The following TBK1 variants were observed in gnomAD, a reference collection of about 807,000 sequenced individuals.
TBK1 encodes the protein TANK binding kinase 1, also known as serine/threonine-protein kinase TBK1.
A neutral mutation model predicts 99.9 loss-of-function variants in TBK1; 37 were observed. That is an observed-to-expected ratio of 0.37 (90% CI 0.28 to 0.49). The LOEUF is 0.49. TBK1 is among the 20% of genes least tolerant of loss of function. TBK1 has a pLI of 0.98. For synonymous variants in TBK1, 258 were observed against 279.8 expected, an observed-to-expected ratio of 0.92 and a Z score of 0.78; for missense variants, 644 against 872.5, an observed-to-expected ratio of 0.74 and a Z score of 3.30.
At chr12:64,498,233 G>C (rs1003069578) in intron 20 of TBK1, among the ~76,000 whole-genome samples, 194 bp downstream of exon 20, 4 of 152,128 alleles carry the variant, frequency 2.6e-5, no homozygotes, top group African/African-American at 7.2e-5. Flanking sequence ...TAGAAGCACT[G>C]GTTAATCGAA....
chr12:64,471,043 C>G (rs936384372), intron 5 of TBK1, among the ~76,000 whole-genome samples: 2 of 152,192 alleles, frequency 1.3e-5, no homozygotes, highest in Non-Finnish European at 1.5e-5. Context: ...AGCAGCCTAG[C>G]TATATTCTAC....
At chr12:64,453,122 A>G (rs1458216182) in intron 1 of TBK1, among the ~76,000 whole-genome samples, 1 of 152,246 alleles carries the variant, frequency 6.6e-6, no homozygotes, top group African/African-American at 2.4e-5. Context: ...GAAGATTTAT[A>G]TGGCAAGCAC....
chr12:64,470,502 C>T (rs2040651809), intron 5 of TBK1, among the ~76,000 whole-genome samples: 1 of 151,944 alleles, frequency 6.6e-6, no homozygotes, highest in African/African-American at 2.4e-5. Flanking sequence ...CATGATTTTC[C>T]AAAGTAGTGA....
In TBK1 at chr12:64,475,016, G is replaced by A. The variant is rs1030247880; in HGVS notation, c.701+626G>A. The stretch of plus-strand genomic sequence containing the variant: ...TCCCATAGTCCCAGCTACTCAGGAG[G>A]CTGAGGTGGTAGGATCACCTGATCC... On this transcript the variant is annotated intron_variant, in intron 6 of 20. Transcript: ENST00000331710. 1.5e-4 allele frequency among the ~76,000 whole-genome samples: 23 copies of A among 152,122 alleles called. 1 individual carries two copies. The highest frequency in any genetic ancestry group is 1.2e-3 in the Admixed American group (19 of 15,274).
rs537240267 is a variant in TBK1 at position 64,459,223 on chromosome 12, A to G, written c.88-966A>G. On this transcript the variant is annotated intron_variant, in intron 2 of 20. Transcript: ENST00000331710. ...TTCCTGCTTGCTCTAGGGAAGTTCA[A>G]CCTTGGATAAATGGGGGAAAATGTA... 7.9e-5 allele frequency among the ~76,000 whole-genome samples: 12 copies of G among 152,274 alleles called. No homozygotes were observed. In the South Asian group the frequency reaches 2.5e-3, roughly 32 times the overall value.
intron 5 of TBK1, among the ~76,000 whole-genome samples, chr12:64,469,029 A>G (rs1458020428): frequency 4.0e-5 from 6 of 151,176 alleles, no homozygotes; most frequent in East Asian, 1.9e-4. Flanking sequence ...CTCCCCTACA[A>G]CCTGTGTTGT....
chr12:64,485,310 T>A, intron 9 of TBK1, 145 bp from the exon 10 acceptor site: 1 of 467,100 alleles, frequency 2.1e-6, no homozygotes, highest in Admixed American at 4.1e-5. Flanking sequence ...GCATTATTGT[T>A]TGAAGTGGTG....
Position 64,481,852 on chromosome 12 carries a change from G to T in TBK1, c.823G>T (p.Val275Phe), listed in dbSNP as rs2040770845. The change falls in exon 8 of 21, where the codon GTT (valine) becomes TTT (phenylalanine). Residue 275 changes from valine (V) to phenylalanine (F), a missense_variant. Coordinates refer to ENST00000331710, the MANE Select transcript of TBK1 (RefSeq NM_013254.4). ...VSCSLSRGLQ[V>F]LLTPVLANIL... is the part of the protein sequence containing the mutation. ...TCAATACTATTTTAGGGGTCTTCAG[G>T]TTCTACTTACCCCTGTTCTTGCAAA... The T allele has an allele frequency of 6.3e-7, 1 of 1,589,680 alleles. No individual in the cohort carries two copies. The highest frequency in any genetic ancestry group is 1.8e-5 in the Admixed American group (1 of 54,938).
intron 18 of TBK1, 48 bp downstream of exon 18, chr12:64,497,307 C>T: frequency 1.5e-6 from 2 of 1,316,386 alleles, no homozygotes; most frequent in South Asian, 3.2e-5. Flanking sequence ...CAGTTTATAA[C>T]TGATAGTGAT....
At chr12:64,466,101 G>T (rs891688329) in intron 4 of TBK1, among the ~76,000 whole-genome samples, 1 of 152,132 alleles carries the variant, frequency 6.6e-6, no homozygotes, top group Non-Finnish European at 1.5e-5. Flanking sequence ...CAATGAGAGA[G>T]AAACAATATT....
chr12:64,482,847 T>C (rs557462061), intron 8 of TBK1, among the ~76,000 whole-genome samples: 1 of 152,250 alleles, frequency 6.6e-6, no homozygotes, highest in South Asian at 2.1e-4. Flanking sequence ...AATGATGCAG[T>C]TTTTAGAACT....
At chr12:64,495,360 A>G in intron 13 of TBK1, 123 bp from the exon 14 acceptor site, 2 of 1,217,092 alleles carry the variant, frequency 1.6e-6, no homozygotes, top group East Asian at 4.8e-5. Flanking sequence ...GGAAATAATT[A>G]CTGTGCCTTT....
rs2136052813 is a variant in TBK1 at position 64,455,961 on chromosome 12, A to G, written c.87+4A>G. Reference sequence around the variant, plus strand: ...TGTCTTTCGTGGAAGACATAAGGTTAGTACAGAGAAAACTTTGAAGACCTT... The same window carrying G: ...TGTCTTTCGTGGAAGACATAAGGTTGGTACAGAGAAAACTTTGAAGACCTT... On this transcript the variant is annotated splice_donor_region_variant and intron_variant, in intron 2 of 20. Transcript: ENST00000331710. The G allele has an allele frequency of 6.2e-7, 1 of 1,602,084 alleles. No homozygotes were observed. The highest frequency in any genetic ancestry group is 8.5e-7 in the Non-Finnish European group (1 of 1,175,626).
intron 13 of TBK1, among the ~76,000 whole-genome samples, chr12:64,494,371 C>G (rs1272547611): frequency 6.6e-6 from 1 of 151,904 alleles, no homozygotes; most frequent in African/African-American, 2.4e-5. Flanking sequence ...CCCATCTACT[C>G]AGGAGGCTTA....
At chr12:64,463,577 G>A (rs552324890) in intron 3 of TBK1, among the ~76,000 whole-genome samples, 35 of 151,170 alleles carry the variant, frequency 2.3e-4, no homozygotes, top group South Asian at 1.0e-3. Flanking sequence ...GAGCATGCCC[G>A]TAATCCCAGC....
chr12:64,462,143 C>T (rs2040554356), intron 3 of TBK1, among the ~76,000 whole-genome samples: 1 of 152,134 alleles, frequency 6.6e-6, no homozygotes, highest in Non-Finnish European at 1.5e-5. Context: ...CTAAATCATG[C>T]TGTGAGACTC....
At chr12:64,484,012 C>T (rs1451102050) in intron 8 of TBK1, 5 of 35,014 alleles carry the variant, frequency 1.4e-4, no homozygotes, top group African/African-American at 2.2e-4. Context: ...GTCTCACATA[C>T]ACACACACAC....
chr12:64,460,215 A>G lies in TBK1; in HGVS notation c.114A>G (p.Lys38=). The stretch of plus-strand genomic sequence containing the variant: ...AAACTGGTGATTTATTTGCTATCAA[A>G]GTATTTAATAACATAAGCTTCCTTC... ...HKKTGDLFAI[K]VFNNISFLRP... The change falls in exon 3 of 21, where the codon AAA becomes AAG. Residue 38 remains lysine, a synonymous_variant. Transcript: ENST00000331710. 1 of 1,537,060 alleles carries G rather than the reference A, an allele frequency of 6.5e-7. No individual in the cohort carries two copies. Among genetic ancestry groups the G allele is most frequent in the Non-Finnish European group, 8.8e-7 (1 of 1,137,962 alleles).
rs1169375744 is a variant in TBK1, at chr12:64,485,462, C to G, written c.1197C>G (p.Leu399=). The G allele has an allele frequency of 6.5e-7, 1 of 1,543,520 alleles. No individual in the cohort carries two copies. The highest frequency in any genetic ancestry group is 2.3e-5 in the East Asian group (1 of 43,378). ...TTTTACTTCATATTTCAGTTTCCCT[C>G]CCTAAAGTACATCCACGTTATGATT... The part of the protein sequence containing the change: ...TIGLIYEKIS[L]PKVHPRYDLD... Residue 399 remains leucine, a synonymous_variant, in exon 10 of 21, where the codon CTC becomes CTG. Transcript: ENST00000331710.
Sources: allele counts gnomAD v4.1 joint callset (sites outside exome capture counted in the v4.1 genomes callset), GRCh38; gene constraint gnomAD v4.1.1; transcripts MANE v1.5; gene names NCBI Gene and HGNC (gene_info 2026-07-23, HGNC 2026-07-21).